COL10A1: variants seen among roughly 807,000 people sequenced by gnomAD.
The protein encoded by COL10A1 is collagen alpha-1(X) chain.
In COL10A1, 10 loss-of-function variants were observed where a neutral mutation model predicts 18.2. That is an observed-to-expected ratio of 0.55 (90% CI 0.34 to 0.93). The LOEUF is 0.93. Ranked by LOEUF, COL10A1 falls within the 40% of genes least tolerant of loss-of-function variation. The pLI is 0.02. For synonymous variants in COL10A1, 330 were observed against 316.6 expected, an observed-to-expected ratio of 1.04 and a Z score of -0.45; for missense variants, 897 against 853.5, an observed-to-expected ratio of 1.05 and a Z score of -0.64.
the COL10A1 span, among the ~76,000 whole-genome samples, chr6:116,181,188 T>G: frequency 6.6e-6 from 1 of 152,038 alleles, no homozygotes; most frequent in African/African-American, 2.4e-5. Flanking sequence ...GTTACATGTG[T>G]CTGAAAATTT....
At chr6:116,173,295 ATT>A in the COL10A1 span, among the ~76,000 whole-genome samples, 12 of 152,222 alleles carry the variant, frequency 7.9e-5, no homozygotes, top group African/African-American at 2.9e-4. Flanking sequence ...GAGTTGCAAA[ATT>A]TAAAACTTAG....
At chr6:116,193,487 A>C in the COL10A1 span, among the ~76,000 whole-genome samples, 1 of 152,068 alleles carries the variant, frequency 6.6e-6, no homozygotes, top group Non-Finnish European at 1.5e-5. Flanking sequence ...CTGTTTCTCT[A>C]ACTTTAAGTT....
Position 116,141,885 on chromosome 6 carries a change from A to AACACACACACACACACAC in COL10A1, c.-15-16396_-15-16379dup, listed in dbSNP as rs3051942. On this transcript the variant is annotated intron_variant, in intron 1 of 1. Transcript: ENST00000418500. ...GTAAAAGATTTTCTGCCAAAAAGAA[A>AACACACACACACACACAC]ACACACACACACACACACACACACA... 4.3e-3 allele frequency among the ~76,000 whole-genome samples: 604 copies of AACACACACACACACACAC among 140,378 alleles called. 6 individuals carry two copies. The highest frequency in any genetic ancestry group is 0.014 in the African/African-American group (522 of 37,448). 92.1% of individuals were successfully genotyped at this position (140,378 alleles called of 152,430 possible). A position where few individuals can be genotyped will look rare whatever the true frequency, so the allele number is the denominator to read the frequency against.
At chr6:116,161,244 T>C (rs1412035812), upstream of COL10A1, among the ~76,000 whole-genome samples, 2 of 149,126 alleles carry the variant, frequency 1.3e-5, no homozygotes, top group East Asian at 4.0e-4. Context: ...TAATGCTAGA[T>C]GACGAGTTAG....
chr6:116,211,185 T>C, the COL10A1 span, among the ~76,000 whole-genome samples: 4 of 152,040 alleles, frequency 2.6e-5, no homozygotes, highest in Non-Finnish European at 5.9e-5. Context: ...AGATGTTTGT[T>C]TCACCAGCTC....
In COL10A1 at chr6:116,125,376, C is replaced by T; in HGVS notation, c.117G>A (p.Lys39=). The T allele has an allele frequency of 6.2e-7, 1 of 1,613,602 alleles. No individual in the cohort carries two copies. Among genetic ancestry groups the T allele is most frequent in the East Asian group, 2.2e-5 (1 of 44,802 alleles). Residue 39 remains lysine, a synonymous_variant, in exon 2 of 3, where the codon AAG becomes AAA. Transcript: ENST00000651968. ...TGIKGPLPNT[K]TQFFIPYTIK... ...TGGTGTAGGGAATGAAGAACTGTGTCTTGGTGTTGGGTAGTGGGCCTTTTA... is the reference window on the plus strand; with the variant it reads ...TGGTGTAGGGAATGAAGAACTGTGTTTTGGTGTTGGGTAGTGGGCCTTTTA...
At chr6:116,200,631 C>T in the COL10A1 span, among the ~76,000 whole-genome samples, 7 of 151,928 alleles carry the variant, frequency 4.6e-5, no homozygotes, top group South Asian at 2.1e-4. Flanking sequence ...AGGATATTAT[C>T]GAGCTCTGGT....
chr6:116,189,733 G>C, the COL10A1 span, among the ~76,000 whole-genome samples: 1 of 151,922 alleles, frequency 6.6e-6, no homozygotes, highest in Admixed American at 6.6e-5. Flanking sequence ...AAAAAAAAAT[G>C]ATTTTAATAG....
the COL10A1 span, among the ~76,000 whole-genome samples, chr6:116,213,674 C>A: frequency 6.7e-6 from 1 of 150,368 alleles, no homozygotes; most frequent in Non-Finnish European, 1.5e-5. Flanking sequence ...ATGTGTAGAT[C>A]ACATGTAGGA....
At chr6:116,199,336 A>G in the COL10A1 span, among the ~76,000 whole-genome samples, 1 of 152,074 alleles carries the variant, frequency 6.6e-6, no homozygotes, top group East Asian at 1.9e-4. Context: ...CATCCAGAAG[A>G]CATTAGATAG....
At chr6:116,166,826 A>G in the COL10A1 span, among the ~76,000 whole-genome samples, 2 of 152,220 alleles carry the variant, frequency 1.3e-5, no homozygotes, top group African/African-American at 2.4e-5. Context: ...AGTGGTTTCT[A>G]TTTAAAGACG....
the COL10A1 span, among the ~76,000 whole-genome samples, chr6:116,194,669 G>C: frequency 6.6e-6 from 1 of 151,992 alleles, no homozygotes; most frequent in Non-Finnish European, 1.5e-5. Flanking sequence ...GTCAGTAGAT[G>C]TTGTTTATGG....
chr6:116,161,183 G>C (rs1780319822), upstream of COL10A1, among the ~76,000 whole-genome samples: 2 of 122,630 alleles, frequency 1.6e-5, no homozygotes, highest in South Asian at 5.6e-4. Flanking sequence ...ACAATCTGGG[G>C]ACTGTTGTGG....
At chr6:116,201,569 A>G in the COL10A1 span, among the ~76,000 whole-genome samples, 1 of 152,006 alleles carries the variant, frequency 6.6e-6, no homozygotes, top group African/African-American at 2.4e-5. Context: ...AGTCAGGTTT[A>G]CTGATGATAT....
upstream of COL10A1, among the ~76,000 whole-genome samples, chr6:116,162,797 T>C (rs1780365180): frequency 6.6e-6 from 1 of 152,072 alleles, no homozygotes; most frequent in Admixed American, 6.6e-5. Flanking sequence ...ATAGAATGAG[T>C]TTAGGAGGAA....
At chr6:116,175,605 C>T in the COL10A1 span, among the ~76,000 whole-genome samples, 9 of 152,090 alleles carry the variant, frequency 5.9e-5, no homozygotes, top group African/African-American at 2.2e-4. Context: ...GTTCCTTCTC[C>T]CCCGACACAG....
chr6:116,193,070 C>T, the COL10A1 span, among the ~76,000 whole-genome samples: 15 of 152,172 alleles, frequency 9.9e-5, no homozygotes, highest in African/African-American at 3.4e-4. Context: ...AGAATAGCTC[C>T]GTGCCTTACA....
chr6:116,211,206 A>C, the COL10A1 span, among the ~76,000 whole-genome samples: 2 of 152,058 alleles, frequency 1.3e-5, no homozygotes, highest in Non-Finnish European at 2.9e-5. Flanking sequence ...TCACCGTTCC[A>C]GCCAGCCCAG....
the COL10A1 span, among the ~76,000 whole-genome samples, chr6:116,212,618 A>C: frequency 6.6e-6 from 1 of 152,154 alleles, no homozygotes; most frequent in Non-Finnish European, 1.5e-5. Context: ...GATCTTTAAA[A>C]TGCATATTCC....
Sources: gnomAD v4.1 joint callset for allele counts (sites outside exome capture counted in the v4.1 genomes callset) on GRCh38, gnomAD v4.1.1 for gene constraint, MANE v1.5 for transcripts, NCBI Gene and HGNC (gene_info 2026-07-23, HGNC 2026-07-21) for gene names.